GTF2F2: variants seen among roughly 807,000 people sequenced by gnomAD.
The protein encoded by GTF2F2 is ATP-dependent helicase GTF2F2.
GTF2F2 carries 23 observed loss-of-function variants against 42.2 expected under a neutral mutation model. The observed-to-expected ratio is 0.55, with a 90% CI of 0.39 to 0.77. The LOEUF is 0.77. Ranked by LOEUF, GTF2F2 falls within the 30% of genes least tolerant of loss-of-function variation. The pLI is 0.00. For missense variants in GTF2F2, 261 were observed against 287.2 expected (o/e 0.91, Z 0.66); for synonymous variants, 105 against 100.8 (o/e 1.04, Z -0.25).
intron 4 of GTF2F2, among the ~76,000 whole-genome samples, chr13:45,153,165 A>G (rs1182517677): frequency 6.6e-6 from 1 of 151,234 alleles, no homozygotes. Context: ...GCCCGCCACC[A>G]TGCCCGGCTA....
At chr13:45,151,297 A>T (rs1054875333) in intron 3 of GTF2F2, among the ~76,000 whole-genome samples, 2 of 152,082 alleles carry the variant, frequency 1.3e-5, no homozygotes, top group African/African-American at 4.8e-5. Flanking sequence ...GCTGCAAAGG[A>T]TGTGATTCTG....
At chr13:45,263,284 G>GT (rs1260667879) in intron 6 of GTF2F2, among the ~76,000 whole-genome samples, 3 of 151,522 alleles carry the variant, frequency 2.0e-5, no homozygotes, top group Admixed American at 2.0e-4. Context: ...CTAGAGTGCA[G>GT]TGGCGCGATC....
At chr13:45,156,711 G>T (rs114366712) in intron 4 of GTF2F2, among the ~76,000 whole-genome samples, 8 of 152,124 alleles carry the variant, frequency 5.3e-5, no homozygotes. Context: ...AGTGGTTTCC[G>T]TGCTTTTTTT....
chr13:45,174,041 T>G (rs1298481463), intron 4 of GTF2F2, among the ~76,000 whole-genome samples: 2 of 152,204 alleles, frequency 1.3e-5, no homozygotes, highest in Non-Finnish European at 2.9e-5. Context: ...CACTAGCTGA[T>G]TCCTTTCTAT....
intron 1 of GTF2F2, chr13:45,124,031 TG>T: frequency 1.8e-6 from 2 of 1,138,144 alleles, no homozygotes; most frequent in African/African-American, 1.5e-5. Context: ...AGAGGCCATG[TG>T]GGCCATGAGG....
rs780965333 is a variant in GTF2F2 at position 45,267,387 on chromosome 13, G to C, written c.630+11G>C. On this transcript the variant is annotated intron_variant, in intron 7 of 7. Transcript: ENST00000340473. ...ACAAAGCAACCTGTGGTATGTATATGTTCATACTGATCCTTTGAATATGCC... is the reference window on the plus strand; with the variant it reads ...ACAAAGCAACCTGTGGTATGTATATCTTCATACTGATCCTTTGAATATGCC... 24 of 1,550,916 alleles carry C rather than the reference G, an allele frequency of 1.5e-5. No homozygotes were observed. The East Asian group carries it at 3.4e-4, about 22-fold the overall frequency.
intron 4 of GTF2F2, among the ~76,000 whole-genome samples, chr13:45,159,861 A>G (rs938800650): frequency 1.3e-5 from 2 of 152,218 alleles, no homozygotes; most frequent in Non-Finnish European, 2.9e-5. Context: ...ATATCATATC[A>G]GGTATATGAT....
chr13:45,149,433 C>CAAAA (rs34165758), intron 2 of GTF2F2, among the ~76,000 whole-genome samples: 1 of 91,148 alleles, frequency 1.1e-5, no homozygotes, highest in Non-Finnish European at 2.4e-5. Flanking sequence ...ACCCTGTCTC[C>CAAAA]AAAAAAAAAA....
chr13:45,132,297 G>C lies in GTF2F2; in HGVS notation c.67-4436G>C, dbSNP rs186508086. Among the ~76,000 whole-genome samples the C allele has an allele frequency of 7.2e-4, 110 of 152,254 alleles. 1 individual carries two copies. The highest frequency in any genetic ancestry group is 2.5e-3 in the African/African-American group (104 of 41,544). ...GATAGTCAAGGTATCAGCCAGGGTTGGATTCTCATCTGAAGTTTTGACTGG... is the reference window on the plus strand; with the variant it reads ...GATAGTCAAGGTATCAGCCAGGGTTCGATTCTCATCTGAAGTTTTGACTGG... On this transcript the variant is annotated intron_variant, in intron 1 of 7. Transcript: ENST00000340473.
chr13:45,141,636 A>G (rs772780274), intron 2 of GTF2F2, among the ~76,000 whole-genome samples: 20 of 152,272 alleles, frequency 1.3e-4, no homozygotes, highest in East Asian at 3.9e-4. Flanking sequence ...GATCCAACCA[A>G]AGTTCCTTAC....
intron 5 of GTF2F2, among the ~76,000 whole-genome samples, chr13:45,251,529 A>G (rs755675831): frequency 6.6e-6 from 1 of 152,168 alleles, no homozygotes; most frequent in Non-Finnish European, 1.5e-5. Context: ...TTAGAAAACA[A>G]ACTTAAAATG....
intron 6 of GTF2F2, among the ~76,000 whole-genome samples, chr13:45,259,694 G>A (rs1876253703): frequency 1.0e-5 from 1 of 100,172 alleles, no homozygotes; most frequent in African/African-American, 4.1e-5. Flanking sequence ...GTCTCGCCCT[G>A]TTGCCCAGGC....
At chr13:45,162,066 T>TA (rs971133179) in intron 4 of GTF2F2, among the ~76,000 whole-genome samples, 1 of 152,204 alleles carries the variant, frequency 6.6e-6, no homozygotes, top group East Asian at 1.9e-4. Flanking sequence ...GAGGGACTTT[T>TA]AAAAAATCTT....
chr13:45,239,463 G>A (rs753245709), intron 5 of GTF2F2, among the ~76,000 whole-genome samples: 33 of 152,122 alleles, frequency 2.2e-4, no homozygotes, highest in Non-Finnish European at 3.8e-4. Context: ...GTGTTTCTTT[G>A]AAAAACAGAA....
intron 2 of GTF2F2, among the ~76,000 whole-genome samples, chr13:45,140,110 G>C (rs902981465): frequency 9.2e-5 from 14 of 151,588 alleles, no homozygotes; most frequent in Admixed American, 8.5e-4. Context: ...GCCATGCCCA[G>C]CTAATTTTTT....
At chr13:45,240,101 ATTTT>A (rs34744288) in intron 5 of GTF2F2, among the ~76,000 whole-genome samples, 3 of 91,100 alleles carry the variant, frequency 3.3e-5, no homozygotes, top group African/African-American at 5.3e-5. Flanking sequence ...ATGTAGAGGG[ATTTT>A]TTTTTTTTTT....
intron 2 of GTF2F2, 149 bp from the exon 3 acceptor site, chr13:45,149,621 A>G: frequency 1.5e-6 from 1 of 646,464 alleles, no homozygotes; most frequent in East Asian, 3.5e-5. Flanking sequence ...TAAATAGGAT[A>G]GTTGTGGGGA....
chr13:45,252,712 G>A (rs964256007), intron 5 of GTF2F2, among the ~76,000 whole-genome samples, 159 bp from the exon 6 acceptor site: 16 of 152,076 alleles, frequency 1.1e-4, no homozygotes, highest in East Asian at 3.9e-4. Flanking sequence ...TTATAGTCAC[G>A]TATATTCAGT....
chr13:45,209,564 G>A (rs1873550660), intron 5 of GTF2F2, among the ~76,000 whole-genome samples: 1 of 152,160 alleles, frequency 6.6e-6, no homozygotes, highest in Non-Finnish European at 1.5e-5. Context: ...GATGGGGTAA[G>A]AACATTCAAA....
Sources: allele counts gnomAD v4.1 joint callset (sites outside exome capture counted in the v4.1 genomes callset), GRCh38; gene constraint gnomAD v4.1.1; transcripts MANE v1.5; gene names NCBI Gene and HGNC (gene_info 2026-07-23, HGNC 2026-07-21).